Variants in ERC2 observed in about 807,000 individuals in gnomAD.
ERC2 encodes the protein ERC protein 2.
Under a neutral mutation model 114.8 loss-of-function variants are expected in ERC2, and 42 were observed. The observed-to-expected ratio is 0.37, with a 90% CI of 0.29 to 0.47. The LOEUF is 0.47. Ranked by LOEUF, ERC2 falls within the 20% of genes least tolerant of loss-of-function variation. The pLI is 0.99. For synonymous variants in ERC2, 454 were observed against 425.5 expected (o/e 1.07, Z -0.82); for missense variants, 939 against 1,150.7 (o/e 0.82, Z 2.66).
chr3:55,854,228 T>C (rs1003647534), intron 14 of ERC2, among the ~76,000 whole-genome samples: 9 of 152,262 alleles, frequency 5.9e-5, no homozygotes, highest in Non-Finnish European at 1.3e-4. Context: ...TGAGCTGAGA[T>C]TGCGCCACTG....
intron 17 of ERC2, chr3:55,657,369 T>C (rs73069877): frequency 0.067 from 10,181 of 152,286 alleles, 454 homozygotes; most frequent in Non-Finnish European, 0.095. Context: ...GTCCTTGAGA[T>C]GGGAGGAAGT....
At chr3:55,904,077 C>T (rs1311797471) in intron 13 of ERC2, among the ~76,000 whole-genome samples, 1 of 152,164 alleles carries the variant, frequency 6.6e-6, no homozygotes, top group Non-Finnish European at 1.5e-5. Flanking sequence ...GTTCTAAAAG[C>T]CTTGCCTATG....
chr3:55,882,020 A>C (rs2149306472), intron 14 of ERC2, among the ~76,000 whole-genome samples: 1 of 152,306 alleles, frequency 6.6e-6, no homozygotes, highest in South Asian at 2.1e-4. Context: ...CTGTGGTTTG[A>C]ATATTTGTCC....
intron 13 of ERC2, among the ~76,000 whole-genome samples, chr3:55,906,304 C>T (rs901130464): frequency 6.6e-5 from 10 of 151,910 alleles, no homozygotes; most frequent in African/African-American, 1.7e-4. Context: ...TGGTGGCAGG[C>T]GCCTGTAGTC....
chr3:56,047,712 C>T (rs1345309425), intron 7 of ERC2, among the ~76,000 whole-genome samples: 1 of 152,192 alleles, frequency 6.6e-6, no homozygotes, highest in Non-Finnish European at 1.5e-5. Context: ...AAAAAGATAG[C>T]TGTAACTTTG....
chr3:56,341,062 C>G (rs1004126802), intron 2 of ERC2, among the ~76,000 whole-genome samples: 20 of 152,256 alleles, frequency 1.3e-4, no homozygotes, highest in African/African-American at 4.8e-4. Flanking sequence ...TAAATTTTAT[C>G]TTATTGAGCT....
At chr3:56,333,501 AAGT>A (rs1454041499) in intron 2 of ERC2, among the ~76,000 whole-genome samples, 2 of 152,240 alleles carry the variant, frequency 1.3e-5, no homozygotes, top group Non-Finnish European at 2.9e-5. Flanking sequence ...ATAAATTTAA[AAGT>A]AGAATTCAAA....
At chr3:55,908,168 G>A (rs1017720484) in intron 13 of ERC2, among the ~76,000 whole-genome samples, 1 of 152,068 alleles carries the variant, frequency 6.6e-6, no homozygotes, top group African/African-American at 2.4e-5. Flanking sequence ...GGTTCTACAT[G>A]GCCAGATCCC....
At chr3:55,568,536 A>G (rs1410214364) in intron 17 of ERC2, among the ~76,000 whole-genome samples, 1 of 152,182 alleles carries the variant, frequency 6.6e-6, no homozygotes. Context: ...TTCATGTTCC[A>G]CATCCAATAT....
At chr3:55,803,646 G>T (rs527242341) in intron 14 of ERC2, among the ~76,000 whole-genome samples, 2 of 150,898 alleles carry the variant, frequency 1.3e-5, no homozygotes, top group East Asian at 1.9e-4. Flanking sequence ...AATTCAGAAT[G>T]AAATTGCACA....
At chr3:55,513,622 G>GTATATA (rs144573257) in intron 17 of ERC2, among the ~76,000 whole-genome samples, 12 of 150,572 alleles carry the variant, frequency 8.0e-5, no homozygotes, top group African/African-American at 2.7e-4. Flanking sequence ...GTGCATGTAT[G>GTATATA]TATATATATA....
chr3:56,317,584 G>A (rs1397047313), intron 2 of ERC2, among the ~76,000 whole-genome samples: 1 of 152,124 alleles, frequency 6.6e-6, no homozygotes, highest in Non-Finnish European at 1.5e-5. Context: ...AAAATTGCCT[G>A]CAAATTAAGA....
At chr3:56,082,502 A>G (rs1373858311) in intron 6 of ERC2, among the ~76,000 whole-genome samples, 4 of 151,836 alleles carry the variant, frequency 2.6e-5, no homozygotes, top group African/African-American at 9.7e-5. Context: ...AACTAAGACA[A>G]CCACCATGAT....
chr3:56,383,278 C>T (rs1266290780), intron 2 of ERC2, among the ~76,000 whole-genome samples: 2 of 152,120 alleles, frequency 1.3e-5, no homozygotes, highest in East Asian at 1.9e-4. Context: ...CAAAAAACCC[C>T]CCACTGGAAT....
At chr3:56,318,336 G>A (rs541913262) in intron 2 of ERC2, among the ~76,000 whole-genome samples, 6 of 152,022 alleles carry the variant, frequency 3.9e-5, no homozygotes, top group African/African-American at 1.2e-4. Flanking sequence ...CCACCATGCC[G>A]AGCTAATTTT....
At chr3:55,625,384 A>G (rs949604247) in intron 17 of ERC2, among the ~76,000 whole-genome samples, 10 of 151,756 alleles carry the variant, frequency 6.6e-5, no homozygotes, top group Middle Eastern at 3.4e-3. Flanking sequence ...GAAAAAAAAA[A>G]AAAAAAGAAA....
At chr3:55,889,040 T>A (rs2063490050) in intron 13 of ERC2, among the ~76,000 whole-genome samples, 2 of 152,342 alleles carry the variant, frequency 1.3e-5, no homozygotes, top group East Asian at 1.9e-4. Context: ...ACTTAATGTG[T>A]TCACTAGAAT....
chr3:55,899,505 G>C (rs2064015034), intron 13 of ERC2, among the ~76,000 whole-genome samples: 1 of 152,132 alleles, frequency 6.6e-6, no homozygotes, highest in East Asian at 1.9e-4. Flanking sequence ...GTGTGAGTGT[G>C]TGTGTGTGAG....
At chr3:55,810,188 A>T (rs1312766206) in intron 14 of ERC2, among the ~76,000 whole-genome samples, 1 of 152,162 alleles carries the variant, frequency 6.6e-6, no homozygotes, top group Non-Finnish European at 1.5e-5. Flanking sequence ...TTTTGGTTAC[A>T]CACAGAAATC....
Sources: allele counts gnomAD v4.1 joint callset (sites outside exome capture counted in the v4.1 genomes callset), GRCh38; gene constraint gnomAD v4.1.1; transcripts MANE v1.5; gene names NCBI Gene and HGNC (gene_info 2026-07-23, HGNC 2026-07-21).